The following SLC6A7 variants were observed in gnomAD, a reference collection of about 807,000 sequenced individuals.
SLC6A7 encodes sodium-dependent proline transporter.
A neutral mutation model predicts 73.1 loss-of-function variants in SLC6A7; 58 were observed. That is an observed-to-expected ratio of 0.79 (90% CI 0.64 to 0.99). The LOEUF (loss-of-function observed/expected upper bound fraction) is 0.99, where lower values mean the gene tolerates loss of function less well. Among genes scored for constraint, SLC6A7 ranks in the 50% least tolerant of loss-of-function variants. The pLI, the probability that SLC6A7 is intolerant of heterozygous loss-of-function variation, is 0.00. For synonymous variants in SLC6A7, 338 were observed against 338.7 expected (o/e 1.00, Z 0.02); for missense variants, 783 against 831.4 (o/e 0.94, Z 0.72).
chr5:150,192,771 C>T (rs141316884), intron 1 of SLC6A7, among the ~76,000 whole-genome samples: 1 of 152,334 alleles, frequency 6.6e-6, no homozygotes, highest in Non-Finnish European at 1.5e-5. Flanking sequence ...ATGGAAAGGG[C>T]AGCTTCTCTG....
intron 13 of SLC6A7, among the ~76,000 whole-genome samples, chr5:150,206,390 A>G (rs559329839): frequency 1.3e-5 from 2 of 152,302 alleles, no homozygotes; most frequent in South Asian, 2.1e-4. Context: ...TTAAATATTC[A>G]GGAATGTGTG....
intron 13 of SLC6A7, among the ~76,000 whole-genome samples, chr5:150,207,301 G>A (rs920439650): frequency 6.6e-6 from 1 of 152,080 alleles, no homozygotes; most frequent in African/African-American, 2.4e-5. Context: ...TGTCACCCAG[G>A]CTGGGGTGCA....
intron 1 of SLC6A7, among the ~76,000 whole-genome samples, chr5:150,192,351 C>T (rs1752826150): frequency 6.6e-6 from 1 of 152,194 alleles, no homozygotes; most frequent in South Asian, 2.1e-4. Context: ...CTCCCAGCCC[C>T]TGCTGTGAGT....
At chr5:150,192,545 T>A (rs114440409) in intron 1 of SLC6A7, among the ~76,000 whole-genome samples, 2,186 of 152,286 alleles carry the variant, frequency 0.014, 29 homozygotes, top group Middle Eastern at 0.044. Flanking sequence ...ACCAGCCCCA[T>A]CCTCACTGTG....
At chr5:150,196,669 G>C (rs765640545) in intron 2 of SLC6A7, 47 bp from the exon 3 acceptor site, 1 of 1,585,058 alleles carries the variant, frequency 6.3e-7, no homozygotes, top group African/African-American at 1.3e-5. Flanking sequence ...CTGGGCTTTT[G>C]GGGGAGCTGC....
At chr5:150,197,888 C>T (rs1753117814) in intron 4 of SLC6A7, among the ~76,000 whole-genome samples, 1 of 152,086 alleles carries the variant, frequency 6.6e-6, no homozygotes, top group Non-Finnish European at 1.5e-5. Flanking sequence ...AATTAAACAA[C>T]ATAATGCAGG....
At position 150,201,221 on chromosome 5, in the gene SLC6A7, A is replaced by T. The variant is rs1753365641; in HGVS notation, c.856A>T (p.Lys286Ter). ...CCAGTTCCACCACTTGTTGTCTTCC[A>T]AGGTGAGCCCCTCAGGGCGGGGTGC... Reference protein sequence around the residue: ...TPQFHHLLSSKVWIEAALQIF... With the variant: ...TPQFHHLLSS The change falls in exon 6 of 14, where the codon AAG becomes TAG. Residue 286 changes from lysine (K) to a stop codon, truncating the protein, a stop_gained and splice_region_variant. Coordinates refer to ENST00000230671, the MANE Select transcript of SLC6A7 (RefSeq NM_014228.5). LOFTEE classifies it high-confidence loss of function. 1 of 1,608,068 alleles carries T rather than the reference A, an allele frequency of 6.2e-7. No homozygotes were observed. Among genetic ancestry groups the T allele is most frequent in the Admixed American group, 1.7e-5 (1 of 59,364 alleles).
Position 150,210,977 on chromosome 5 carries a change from G to GGCCAGCCTCTCTGCCTGTCTCTC in SLC6A7, c.*1365_*1387dup. The stretch of plus-strand genomic sequence containing the variant: ...TCCCTCATGCAACAGGCCTCCCTGT[G>GGCCAGCCTCTCTGCCTGTCTCTC]GCCAGCCTCTCTGCCTGTCTCTCGC... On this transcript the variant is annotated 3_prime_UTR_variant, in exon 14 of 14. Coordinates refer to ENST00000230671, the MANE Select transcript of SLC6A7 (RefSeq NM_014228.5). 1 of 152,840 alleles carries GGCCAGCCTCTCTGCCTGTCTCTC rather than the reference G, an allele frequency of 6.5e-6. No individual in the cohort carries two copies. The highest frequency in any genetic ancestry group is 1.5e-5 in the Non-Finnish European group (1 of 68,350). The allele number at this position is 152,840 out of a possible 1,614,324, so 9.5% of individuals were successfully genotyped here. A position where few individuals can be genotyped will look rare whatever the true frequency, so the allele number is the denominator to read the frequency against.
At chr5:150,196,974 C>A in intron 3 of SLC6A7, 68 bp from the exon 4 acceptor site, 1 of 1,548,024 alleles carries the variant, frequency 6.5e-7, no homozygotes. Context: ...GCCAGCTCCC[C>A]AGAAGCCACT....
At chr5:150,199,479 G>T in intron 5 of SLC6A7, 113 bp downstream of exon 5, 2 of 734,004 alleles carry the variant, frequency 2.7e-6, no homozygotes, top group South Asian at 2.0e-5. Flanking sequence ...GCTGGGCAGA[G>T]GGGAAGGGAG....
chr5:150,202,195 C>G (rs1313919781), intron 6 of SLC6A7, 152 bp from the exon 7 acceptor site: 1 of 633,830 alleles, frequency 1.6e-6, no homozygotes, highest in Non-Finnish European at 2.9e-6. Context: ...AGGCTTTGCT[C>G]CTGGTCCACG....
Position 150,209,588 on chromosome 5 carries a change from T to G in SLC6A7, c.1884T>G (p.Ile628Met). The change falls in exon 14 of 14, where the codon ATT becomes ATG. Residue 628 changes from isoleucine (I) to methionine (M), a missense_variant. Ile to Met is a conservative substitution (Grantham distance 10). Transcript: ENST00000230671. ...CGGCCATCGAGGTGGACCGTGAGAT[T>G]GCAGAGGAGGAGGAGTCGATGATGT... is the stretch of plus-strand genomic sequence containing the variant. Reference protein sequence around the residue: ...ENTAIEVDREIAEEEESMM With the variant: ...ENTAIEVDREMAEEEESMM The G allele has an allele frequency of 6.2e-7, 1 of 1,611,268 alleles. No homozygotes were observed. The highest frequency in any genetic ancestry group is 2.2e-5 in the East Asian group (1 of 44,788).
At chr5:150,202,325 C>T (rs759864343) in intron 6 of SLC6A7, 22 bp from the exon 7 acceptor site, 1 of 1,564,690 alleles carries the variant, frequency 6.4e-7, no homozygotes, top group South Asian at 1.1e-5. Context: ...CACACCCTCC[C>T]TTTCCATCCT....
intron 1 of SLC6A7, among the ~76,000 whole-genome samples, chr5:150,191,426 T>C (rs1353796379): frequency 4.8e-5 from 7 of 145,700 alleles, no homozygotes; most frequent in Non-Finnish European, 1.1e-4. Flanking sequence ...GTGTCTTTTT[T>C]CTTTTTCTTG....
chr5:150,203,698 G>C lies in SLC6A7; in HGVS notation c.1119G>C (p.Gln373His). 2.5e-6 allele frequency: 4 copies of C among 1,612,822 alleles called. No homozygotes were observed. The East Asian group carries it at 8.9e-5, about 36-fold the overall frequency. The change falls in exon 9 of 14, where the codon CAG (glutamine) becomes CAC (histidine). Residue 373 changes from glutamine (Q) to histidine (H), a missense_variant. Gln to His is a conservative substitution (Grantham distance 24). Transcript: ENST00000230671. Reference sequence around the variant, plus strand: ...GCCTGGCCTTTGTCGTCTACCCACAGGCCATGACCATGCTGCCTCTGTCAC... The same window carrying C: ...GCCTGGCCTTTGTCGTCTACCCACACGCCATGACCATGCTGCCTCTGTCAC... ...GPGLAFVVYP[Q>H]AMTMLPLSPF...
In SLC6A7 at chr5:150,203,513, T is replaced by G. The variant is rs1020958623; in HGVS notation, c.1088-154T>G. On this transcript the variant is annotated intron_variant, in intron 8 of 13. Coordinates refer to ENST00000230671, the MANE Select transcript of SLC6A7 (RefSeq NM_014228.5). ...AATGTGCTGGTGTAGGTCCTGGGAG[T>G]TAAGGAAGTATCAGAGGGTGCATTT... Among the ~76,000 whole-genome samples, 8 of 152,216 alleles carry G rather than the reference T, an allele frequency of 5.3e-5. No homozygotes were observed. The East Asian group carries it at 1.5e-3, about 29-fold the overall frequency.
Position 150,196,860 on chromosome 5 carries a change from T to A in SLC6A7, c.349+13T>A. 6.2e-7 allele frequency: 1 copy of A among 1,612,612 alleles called. No individual in the cohort carries two copies. The highest frequency in any genetic ancestry group is 8.5e-7 in the Non-Finnish European group (1 of 1,179,188). On this transcript the variant is annotated intron_variant, in intron 3 of 13. Transcript: ENST00000230671. Reference sequence around the variant, plus strand: ...CCTCTCTTCAAAGGTGAGGCCTCAGTGGTCCCCAGGGAGGGAAGGGCTCAG... The same window carrying A: ...CCTCTCTTCAAAGGTGAGGCCTCAGAGGTCCCCAGGGAGGGAAGGGCTCAG...
chr5:150,198,729 G>C (rs1753202417), intron 4 of SLC6A7, among the ~76,000 whole-genome samples: 1 of 152,072 alleles, frequency 6.6e-6, no homozygotes, highest in African/African-American at 2.4e-5. Context: ...GAACCTAGGA[G>C]GCAATGGGAG....
chr5:150,198,452 A>G lies in SLC6A7; in HGVS notation c.585-776A>G, dbSNP rs1580859558. 2.0e-5 allele frequency among the ~76,000 whole-genome samples: 3 copies of G among 152,306 alleles called. No individual in the cohort carries two copies. In the East Asian group the frequency reaches 5.8e-4, roughly 29 times the overall value. Reference sequence around the variant, plus strand: ...TCTGAAGTGTCCGCACCTGCTGAAGAGTTTATCTGACCAGTGGGAAAGAAT... The same window carrying G: ...TCTGAAGTGTCCGCACCTGCTGAAGGGTTTATCTGACCAGTGGGAAAGAAT... On this transcript the variant is annotated intron_variant, in intron 4 of 13. Coordinates refer to ENST00000230671, the MANE Select transcript of SLC6A7 (RefSeq NM_014228.5).
Sources: gnomAD v4.1 joint callset for allele counts (sites outside exome capture counted in the v4.1 genomes callset) on GRCh38, gnomAD v4.1.1 for gene constraint, MANE v1.5 for transcripts, NCBI Gene and HGNC (gene_info 2026-07-23, HGNC 2026-07-21) for gene names.